PTPRN2: variants seen among roughly 807,000 people sequenced by gnomAD.
PTPRN2 encodes protein tyrosine phosphatase receptor type N2.
A neutral mutation model predicts 118.8 loss-of-function variants in PTPRN2; 74 were observed. That is an observed-to-expected ratio of 0.62 (90% CI 0.52 to 0.76). The LOEUF (loss-of-function observed/expected upper bound fraction) is 0.76, where lower values mean the gene tolerates loss of function less well. Ranked by LOEUF, PTPRN2 falls within the 30% of genes least tolerant of loss-of-function variation. The probability of loss-of-function intolerance (pLI) is 0.00; values close to 1 mark genes in which losing one functional copy is unlikely to be tolerated. For missense variants in PTPRN2, 1,481 were observed against 1,394.4 expected (o/e 1.06, Z -0.99); for synonymous variants, 641 against 608.0 (o/e 1.05, Z -0.80).
At chr7:158,518,972 A>G in intron 1 of PTPRN2, among the ~76,000 whole-genome samples, 1 of 152,102 alleles carries the variant, frequency 6.6e-6, no homozygotes, top group East Asian at 1.9e-4. Context: ...GTGACAAAGC[A>G]AAACAACTCT....
rs1184068720 is a variant in PTPRN2, at chr7:157,585,033, A to C, written c.2497-6893T>G. Among the ~76,000 whole-genome samples the C allele has an allele frequency of 6.6e-6, 1 of 152,106 alleles. No homozygotes were observed. Among genetic ancestry groups the C allele is most frequent in the African/African-American group, 2.4e-5 (1 of 41,410 alleles). On this transcript the variant is annotated intron_variant, in intron 17 of 22. Coordinates refer to ENST00000389418, the MANE Select transcript of PTPRN2 (RefSeq NM_002847.5). This position sits in a 1 kb window ranked among gnomAD's most constrained non-coding sequence, Gnocchi z 5.2. ...GCCGTCCATGACCAGCTCATGGTGC[A>C]CCTACCTGGCTTTTTTTTAGTAAAC...
chr7:157,881,175 C>A lies in PTPRN2; in HGVS notation c.1788+17498G>T, dbSNP rs568738515. 7.4e-6 allele frequency among the ~76,000 whole-genome samples: 1 copy of A among 135,444 alleles called. No homozygotes were observed. Among genetic ancestry groups the A allele is most frequent in the Non-Finnish European group, 1.5e-5 (1 of 66,408 alleles). The allele number at this position is 135,444 out of a possible 152,430, so 88.9% of individuals were successfully genotyped here. On this transcript the variant is annotated intron_variant, in intron 12 of 22. Transcript: ENST00000389418. The surrounding 1 kb of genome is among the most constrained non-coding windows in gnomAD (Gnocchi z 4.7). ...ATGGAGGTGTTTACAGGAATCATTA[C>A]GGTAAAATGAGGTCATGAGGGTATG...
intron 21 of PTPRN2, among the ~76,000 whole-genome samples, chr7:157,562,303 G>A (rs2150494943): frequency 6.6e-6 from 1 of 152,300 alleles, no homozygotes; most frequent in Non-Finnish European, 1.5e-5. Context: ...AGCACACGAG[G>A]GGTGATGGGG....
intron 2 of PTPRN2, among the ~76,000 whole-genome samples, chr7:158,417,065 G>A (rs527763563): frequency 6.6e-6 from 1 of 150,738 alleles, no homozygotes; most frequent in South Asian, 2.1e-4. Flanking sequence ...ACTACATCAA[G>A]ATGCTGCAGC....
intron 12 of PTPRN2, among the ~76,000 whole-genome samples, chr7:157,754,307 G>A (rs1245153015): frequency 6.6e-6 from 1 of 152,236 alleles, no homozygotes; most frequent in African/African-American, 2.4e-5. Context: ...CACGTTACCT[G>A]GTGCTTCTCC....
chr7:157,899,612 A>G (rs10265651), intron 11 of PTPRN2, among the ~76,000 whole-genome samples: 23,811 of 152,144 alleles, frequency 0.16, 2,343 homozygotes, highest in Admixed American at 0.31. Context: ...GGAAAATATC[A>G]ATTACTCTCA....
chr7:158,277,540 C>T (rs1799101507), intron 3 of PTPRN2, among the ~76,000 whole-genome samples: 1 of 152,206 alleles, frequency 6.6e-6, no homozygotes, highest in Non-Finnish European at 1.5e-5. Context: ...AACCCGCGCT[C>T]TCCCAAGTCT....
chr7:157,992,507 G>A (rs1056560058), intron 11 of PTPRN2, among the ~76,000 whole-genome samples: 73 of 152,348 alleles, frequency 4.8e-4, no homozygotes, highest in African/African-American at 1.6e-3. Context: ...TGAAATCAGC[G>A]CCTTATGGTG....
At chr7:158,079,503 T>C (rs970828036) in intron 11 of PTPRN2, among the ~76,000 whole-genome samples, 2 of 152,242 alleles carry the variant, frequency 1.3e-5, no homozygotes, top group African/African-American at 4.8e-5. Flanking sequence ...TGTCTGTGAG[T>C]ATATTGTTAT....
intron 11 of PTPRN2, among the ~76,000 whole-genome samples, chr7:158,006,145 G>C (rs573958436): frequency 1.3e-5 from 2 of 152,138 alleles, no homozygotes; most frequent in Non-Finnish European, 2.9e-5. Context: ...GGCAGCACAG[G>C]CACCTGCAAC....
intron 3 of PTPRN2, among the ~76,000 whole-genome samples, chr7:158,311,714 G>A (rs574797454): frequency 8.5e-5 from 13 of 152,348 alleles, no homozygotes; most frequent in African/African-American, 2.9e-4. Context: ...GGATGAAGAC[G>A]ACAGGCAGAA....
At chr7:157,635,308 T>G (rs1236721549) in intron 14 of PTPRN2, among the ~76,000 whole-genome samples, 2 of 152,276 alleles carry the variant, frequency 1.3e-5, no homozygotes, top group African/African-American at 4.8e-5. Context: ...TGTGGGAATG[T>G]GGGAGTGCCT....
At chr7:158,222,697 C>T (rs1828461340) in intron 3 of PTPRN2, among the ~76,000 whole-genome samples, 1 of 151,990 alleles carries the variant, frequency 6.6e-6, no homozygotes, top group African/African-American at 2.4e-5. Context: ...CATATGTACC[C>T]TCAAACCGAA....
chr7:158,372,274 C>T (rs1310213323), intron 2 of PTPRN2, among the ~76,000 whole-genome samples: 3 of 147,958 alleles, frequency 2.0e-5, no homozygotes, highest in Non-Finnish European at 4.5e-5. Flanking sequence ...AGAGCTGATC[C>T]CCCCAACGCT....
intron 11 of PTPRN2, among the ~76,000 whole-genome samples, chr7:158,001,677 T>C (rs1230414005): frequency 6.6e-6 from 1 of 152,188 alleles, no homozygotes; most frequent in African/African-American, 2.4e-5. Flanking sequence ...CGCCCTGTCA[T>C]GATGCCAACT....
At chr7:157,982,689 G>A (rs977998284) in intron 11 of PTPRN2, among the ~76,000 whole-genome samples, 1 of 119,224 alleles carries the variant, frequency 8.4e-6, no homozygotes, top group Non-Finnish European at 1.8e-5. Context: ...TCACAGAGAT[G>A]GAGGGGAATG....
intron 6 of PTPRN2, among the ~76,000 whole-genome samples, chr7:158,152,369 G>T (rs1821281729): frequency 6.6e-6 from 1 of 152,130 alleles, no homozygotes; most frequent in African/African-American, 2.4e-5. Flanking sequence ...GTGGGGCCTG[G>T]GAAGCTGTCT....
At chr7:157,855,898 T>C (rs1370681348) in intron 12 of PTPRN2, 1 of 152,388 alleles carries the variant, frequency 6.6e-6, no homozygotes, top group Non-Finnish European at 1.5e-5. Flanking sequence ...TCATTTTTTC[T>C]GATACTGAGT....
At chr7:157,749,200 G>C (rs1801266060) in intron 12 of PTPRN2, among the ~76,000 whole-genome samples, 1 of 95,278 alleles carries the variant, frequency 1.0e-5, no homozygotes, top group Admixed American at 1.1e-4. Context: ...GGCTGTCCGG[G>C]TGATTCTGAG....
Sources: gnomAD v4.1 joint callset for allele counts (sites outside exome capture counted in the v4.1 genomes callset) on GRCh38, gnomAD v4.1.1 for gene constraint, Gnocchi (gnomAD v3.1) non-coding constraint, MANE v1.5 for transcripts, NCBI Gene and HGNC (gene_info 2026-07-23, HGNC 2026-07-21) for gene names.